The following MGAT5 variants were observed in gnomAD, a reference collection of about 807,000 sequenced individuals.
MGAT5 encodes alpha-1,6-mannosylglycoprotein 6-beta-N-acetylglucosaminyltransferase A.
A neutral mutation model predicts 94.3 loss-of-function variants in MGAT5; 30 were observed. That is an observed-to-expected ratio of 0.32 (90% CI 0.24 to 0.43). MGAT5 has a LOEUF of 0.43. Among genes scored for constraint, MGAT5 ranks in the 20% least tolerant of loss-of-function variants. MGAT5 has a pLI of 1.00. For synonymous variants in MGAT5, 310 were observed against 322.9 expected (o/e 0.96, Z 0.43); for missense variants, 691 against 905.5 (o/e 0.76, Z 3.04).
At position 134,326,488 on chromosome 2, in the gene MGAT5, C is replaced by T. The variant is rs75179434; in HGVS notation, c.573+7749C>T. Among the ~76,000 whole-genome samples, 56 of 152,064 alleles carry T rather than the reference C, an allele frequency of 3.7e-4. No individual in the cohort carries two copies. In the East Asian group the frequency reaches 0.01, roughly 28 times the overall value. The stretch of plus-strand genomic sequence containing the variant: ...CAGATTCATCTCATACAGTTCCTGC[C>T]CTAGGCCTGGAACCAGCATCTCTAA... On this transcript the variant is annotated intron_variant, in intron 4 of 15. Coordinates refer to ENST00000281923, the MANE Select transcript of MGAT5 (RefSeq NM_002410.5).
chr2:134,448,069 A>C (rs3791329), intron 15 of MGAT5, among the ~76,000 whole-genome samples: 16,695 of 152,312 alleles, frequency 0.11, 2,097 homozygotes, highest in African/African-American at 0.3. Flanking sequence ...TAAAGCCTTT[A>C]ATTAAAAAGT....
intron 1 of MGAT5, among the ~76,000 whole-genome samples, chr2:134,154,188 C>G (rs541239200): frequency 6.6e-6 from 1 of 152,048 alleles, no homozygotes; most frequent in Non-Finnish European, 1.5e-5. Context: ...TTGGGAGAAA[C>G]GAATATGGGT....
chr2:134,262,542 C>A (rs773264050), intron 1 of MGAT5, among the ~76,000 whole-genome samples: 1 of 151,978 alleles, frequency 6.6e-6, no homozygotes, highest in Non-Finnish European at 1.5e-5. Flanking sequence ...CCACACTAGG[C>A]TAATTTAAAA....
intron 14 of MGAT5, among the ~76,000 whole-genome samples, chr2:134,434,781 G>A (rs186485215): frequency 1.3e-5 from 2 of 152,300 alleles, no homozygotes; most frequent in Middle Eastern, 3.4e-3. Flanking sequence ...CTTTCTGCAA[G>A]TGGCCTGCGC....
chr2:134,199,234 T>C (rs1157373643), intron 1 of MGAT5, among the ~76,000 whole-genome samples: 3 of 152,212 alleles, frequency 2.0e-5, no homozygotes, highest in African/African-American at 7.2e-5. Flanking sequence ...ATTGCACATC[T>C]TTGCCTCTCC....
At chr2:134,442,723 C>T (rs982318586) in intron 15 of MGAT5, among the ~76,000 whole-genome samples, 9 of 152,166 alleles carry the variant, frequency 5.9e-5, no homozygotes, top group Non-Finnish European at 1.3e-4. Flanking sequence ...GCCTCTCACC[C>T]ATGATCTTTG....
chr2:134,172,965 A>G lies in MGAT5; in HGVS notation c.-143+52674A>G, dbSNP rs145931698. Among the ~76,000 whole-genome samples, 4 of 152,374 alleles carry G rather than the reference A, an allele frequency of 2.6e-5. No homozygotes were observed. In the East Asian group the frequency reaches 7.7e-4, roughly 29 times the overall value. ...AAAAACACCCCAGCATCCCACAACT[A>G]GATGAATGTCTTGACGTGAATAAAA... On this transcript the variant is annotated intron_variant, in intron 1 of 16. Transcript: ENST00000409645.
At chr2:134,200,098 G>T (rs1255115267) in intron 1 of MGAT5, among the ~76,000 whole-genome samples, 4 of 152,058 alleles carry the variant, frequency 2.6e-5, no homozygotes, top group Non-Finnish European at 4.4e-5. Context: ...CTTTTATTTG[G>T]CAATGAGGAC....
chr2:134,293,765 A>G (rs968435257), intron 2 of MGAT5, among the ~76,000 whole-genome samples: 3 of 152,206 alleles, frequency 2.0e-5, no homozygotes, highest in African/African-American at 7.2e-5. Context: ...AGAAAAGCCA[A>G]GCTGGAAAAC....
chr2:134,278,523 A>G (rs1192997931), intron 2 of MGAT5, among the ~76,000 whole-genome samples: 2 of 152,156 alleles, frequency 1.3e-5, no homozygotes, highest in African/African-American at 4.8e-5. Flanking sequence ...CTGGGAATTC[A>G]TGGTATAGGA....
intron 12 of MGAT5, among the ~76,000 whole-genome samples, chr2:134,416,929 A>AT (rs1684010144): frequency 6.6e-6 from 1 of 151,734 alleles, no homozygotes; most frequent in South Asian, 2.1e-4. Flanking sequence ...TTATGAAAAA[A>AT]ATATATATAT....
chr2:134,224,759 G>T (rs1680968592), intron 1 of MGAT5, among the ~76,000 whole-genome samples: 1 of 152,024 alleles, frequency 6.6e-6, no homozygotes, highest in South Asian at 2.1e-4. Flanking sequence ...TGGAATAAAA[G>T]ACAAAGATCA....
intron 7 of MGAT5, 68 bp from the exon 8 acceptor site, chr2:134,344,862 C>T (rs1440210681): frequency 2.6e-5 from 40 of 1,566,118 alleles, no homozygotes; most frequent in Admixed American, 3.6e-5. Context: ...TTAAAGTTGC[C>T]AAGTTTATTA....
chr2:134,360,380 TTTTA>T (rs1680007916), intron 9 of MGAT5, among the ~76,000 whole-genome samples: 2 of 152,170 alleles, frequency 1.3e-5, no homozygotes, highest in Admixed American at 1.3e-4. Context: ...GGCTGAATCA[TTTTA>T]TTTTTTACTA....
intron 14 of MGAT5, among the ~76,000 whole-genome samples, chr2:134,441,353 CCA>C (rs1410921931): frequency 6.6e-6 from 1 of 152,240 alleles, no homozygotes; most frequent in African/African-American, 2.4e-5. Flanking sequence ...AGAGAACAGA[CCA>C]GCTGGTGGAA....
rs890543906 is a variant in MGAT5 at position 134,453,856 on chromosome 2, G to A, written c.*5009G>A. 1.3e-5 allele frequency: 2 copies of A among 152,172 alleles called. No homozygotes were observed. The highest frequency in any genetic ancestry group is 6.5e-5 in the Admixed American group (1 of 15,278). 9.4% of individuals were successfully genotyped at this position (152,172 alleles called of 1,614,324 possible). On this transcript the variant is annotated 3_prime_UTR_variant, in exon 16 of 16. Coordinates refer to ENST00000281923, the MANE Select transcript of MGAT5 (RefSeq NM_002410.5). ...GGTTTGCTTTTTGTTTTGGGGGAGA[G>A]GATTTAGCCTCTTACTTCCCTGATG...
intron 1 of MGAT5, among the ~76,000 whole-genome samples, chr2:134,148,037 G>A (rs559568861): frequency 3.3e-5 from 5 of 152,236 alleles, no homozygotes; most frequent in Admixed American, 2.0e-4. Flanking sequence ...TTGTTACTTG[G>A]TGTAACTTAA....
intron 10 of MGAT5, among the ~76,000 whole-genome samples, chr2:134,381,364 T>TAGATAGATAGATAGATAGATAAGATA (rs150819045): frequency 2.2e-3 from 215 of 95,590 alleles, no homozygotes; most frequent in African/African-American, 7.1e-3. Flanking sequence ...GATAGATAGA[T>TAGATAGATAGATAGATAGATAAGATA]AGATAAGATA....
intron 2 of MGAT5, among the ~76,000 whole-genome samples, chr2:134,310,915 G>T (rs992458151): frequency 6.6e-6 from 1 of 152,180 alleles, no homozygotes; most frequent in African/African-American, 2.4e-5. Context: ...TCGGTTCCCA[G>T]CCATGGCTGA....
Sources: allele counts gnomAD v4.1 joint callset (sites outside exome capture counted in the v4.1 genomes callset), GRCh38; gene constraint gnomAD v4.1.1; transcripts MANE v1.5; gene names NCBI Gene and HGNC (gene_info 2026-07-23, HGNC 2026-07-21).